The following TMEM123 variants were observed in gnomAD, a reference collection of about 807,000 sequenced individuals.
TMEM123 encodes the protein porimin.
In TMEM123, 16 loss-of-function variants were observed where a neutral mutation model predicts 19.7. That is an observed-to-expected ratio of 0.81 (90% CI 0.55 to 1.23). The LOEUF (loss-of-function observed/expected upper bound fraction) is 1.23, where lower values mean the gene tolerates loss of function less well. TMEM123 is among the 50% of genes most tolerant of loss of function. The pLI, the probability that TMEM123 is intolerant of heterozygous loss-of-function variation, is 0.00. For synonymous variants in TMEM123, 118 were observed against 99.4 expected (o/e 1.19, Z -1.12); for missense variants, 313 against 257.8 (o/e 1.21, Z -1.47).
intron 2 of TMEM123, among the ~76,000 whole-genome samples, chr11:102,408,012 C>A (rs1951970568): frequency 6.6e-6 from 1 of 152,210 alleles, no homozygotes; most frequent in Non-Finnish European, 1.5e-5. Context: ...ATCTTTGAAA[C>A]TAGTCACCAT....
intron 1 of TMEM123, among the ~76,000 whole-genome samples, chr11:102,451,427 C>T (rs1194679039): frequency 6.6e-6 from 1 of 152,164 alleles, no homozygotes; most frequent in Non-Finnish European, 1.5e-5. Context: ...AAAACTTCAG[C>T]AAAACAAAGA....
intron 2 of TMEM123, among the ~76,000 whole-genome samples, chr11:102,444,128 A>G (rs983811238): frequency 6.6e-6 from 1 of 152,238 alleles, no homozygotes; most frequent in African/African-American, 2.4e-5. Context: ...CCATTGTGGA[A>G]GACAGTGTGG....
rs545951569 is a variant in TMEM123, at chr11:102,417,795, C to A, written c.158-15589G>T. Among the ~76,000 whole-genome samples the A allele has an allele frequency of 2.0e-5, 3 of 152,008 alleles. No individual in the cohort carries two copies. The South Asian group carries it at 6.2e-4, about 32-fold the overall frequency. On this transcript the variant is annotated intron_variant, in intron 2 of 4. Transcript: ENST00000398136. Reference sequence around the variant, plus strand: ...CATGGTATCGGTACAGAAACTGATACACGGAACAATGGAACAGGTTAGATA... The same window carrying A: ...CATGGTATCGGTACAGAAACTGATAAACGGAACAATGGAACAGGTTAGATA...
At chr11:102,426,481 C>T (rs1415586727) in intron 2 of TMEM123, among the ~76,000 whole-genome samples, 2 of 150,666 alleles carry the variant, frequency 1.3e-5, no homozygotes, top group African/African-American at 2.4e-5. Context: ...GATGGTGTCT[C>T]GCTCTGTCTC....
chr11:102,436,772 C>G (rs1857767194), intron 2 of TMEM123, among the ~76,000 whole-genome samples: 1 of 152,174 alleles, frequency 6.6e-6, no homozygotes, highest in Non-Finnish European at 1.5e-5. Flanking sequence ...GAATCTAGAG[C>G]AAGCCTGCCT....
Position 102,398,742 on chromosome 11 carries a change from A to G in TMEM123, c.*125T>C. Reference sequence around the variant, plus strand: ...TTTACATATTTACGTAATACACTGTACATTATATGCATGGCCTGTTTATAC... The same window carrying G: ...TTTACATATTTACGTAATACACTGTGCATTATATGCATGGCCTGTTTATAC... On this transcript the variant is annotated 3_prime_UTR_variant, in exon 5 of 5. Transcript: ENST00000398136. 1 of 948,294 alleles carries G rather than the reference A, an allele frequency of 1.1e-6. No homozygotes were observed. Among genetic ancestry groups the G allele is most frequent in the Non-Finnish European group, 1.6e-6 (1 of 611,070 alleles). 58.7% of individuals were successfully genotyped at this position (948,294 alleles called of 1,614,324 possible).
chr11:102,428,117 G>C (rs549061596), intron 2 of TMEM123, among the ~76,000 whole-genome samples: 2 of 152,074 alleles, frequency 1.3e-5, no homozygotes, highest in African/African-American at 4.8e-5. Context: ...TCCTGGGAGT[G>C]TGAGTCTATC....
At chr11:102,436,239 T>C (rs2135860367) in intron 2 of TMEM123, among the ~76,000 whole-genome samples, 1 of 152,114 alleles carries the variant, frequency 6.6e-6, no homozygotes, top group South Asian at 2.1e-4. Flanking sequence ...CTTGGCTCAG[T>C]GCAGCTTACA....
intron 2 of TMEM123, among the ~76,000 whole-genome samples, chr11:102,440,465 A>G (rs1289206705): frequency 6.6e-6 from 1 of 152,238 alleles, no homozygotes. Context: ...TCATAAGTGA[A>G]GGAGAAATAA....
At chr11:102,445,677 T>G (rs138627043) in intron 2 of TMEM123, among the ~76,000 whole-genome samples, 6 of 152,364 alleles carry the variant, frequency 3.9e-5, no homozygotes, top group South Asian at 2.1e-4. Flanking sequence ...TTCCACTGCC[T>G]TCTTCTGTAG....
intron 2 of TMEM123, among the ~76,000 whole-genome samples, chr11:102,447,910 T>A (rs763666246): frequency 1.8e-4 from 27 of 152,216 alleles, no homozygotes; most frequent in Non-Finnish European, 3.1e-4. Flanking sequence ...CTCCAGCAAG[T>A]TGCAAAGCAG....
rs1015477544 is a variant in TMEM123 at position 102,446,536 on chromosome 11, T to C, written c.157+2276A>G. Among the ~76,000 whole-genome samples the C allele has an allele frequency of 2.1e-4, 32 of 152,212 alleles. 1 individual carries two copies. The highest frequency in any genetic ancestry group is 7.7e-4 in the African/African-American group (32 of 41,440). Reference sequence around the variant, plus strand: ...AGTACACATCTGCAAAATGTATATATTAGTGTTTTGATAAGGCAAGTCAGC... The same window carrying C: ...AGTACACATCTGCAAAATGTATATACTAGTGTTTTGATAAGGCAAGTCAGC... On this transcript the variant is annotated intron_variant, in intron 2 of 4. Coordinates refer to ENST00000398136, the MANE Select transcript of TMEM123 (RefSeq NM_052932.3).
chr11:102,429,881 G>A (rs1472620233), intron 2 of TMEM123, among the ~76,000 whole-genome samples: 1 of 152,144 alleles, frequency 6.6e-6, no homozygotes, highest in Non-Finnish European at 1.5e-5. Flanking sequence ...AAGCACAGAT[G>A]CTCCTGCCTT....
chr11:102,439,476 G>A (rs992753163), intron 2 of TMEM123, among the ~76,000 whole-genome samples: 2 of 152,188 alleles, frequency 1.3e-5, no homozygotes, highest in Admixed American at 6.5e-5. Context: ...ACCTGCAGCT[G>A]AGGGTCCTGA....
intron 2 of TMEM123, among the ~76,000 whole-genome samples, chr11:102,447,690 C>A (rs981193335): frequency 6.6e-6 from 1 of 152,154 alleles, no homozygotes; most frequent in Non-Finnish European, 1.5e-5. Context: ...CCAATGATAA[C>A]CACTATTACA....
At chr11:102,435,677 A>C (rs1857755670) in intron 2 of TMEM123, among the ~76,000 whole-genome samples, 1 of 151,952 alleles carries the variant, frequency 6.6e-6, no homozygotes, top group South Asian at 2.1e-4. Flanking sequence ...AACCAACTCC[A>C]ATGTCCATCA....
At chr11:102,424,291 A>G (rs1316794244) in intron 2 of TMEM123, among the ~76,000 whole-genome samples, 1 of 152,238 alleles carries the variant, frequency 6.6e-6, no homozygotes, top group Admixed American at 6.5e-5. Flanking sequence ...GTATTTATAA[A>G]GCAGTGAATA....
At chr11:102,407,759 G>T (rs763175084) in intron 2 of TMEM123, among the ~76,000 whole-genome samples, 5 of 151,994 alleles carry the variant, frequency 3.3e-5, no homozygotes, top group African/African-American at 1.2e-4. Context: ...GCATGGAACA[G>T]ATTCTCTCAA....
chr11:102,440,245 T>C (rs1857810327), intron 2 of TMEM123, among the ~76,000 whole-genome samples: 1 of 152,082 alleles, frequency 6.6e-6, no homozygotes, highest in African/African-American at 2.4e-5. Context: ...GACACATAAT[T>C]GTCAGATTCA....
Sources: allele counts gnomAD v4.1 joint callset (sites outside exome capture counted in the v4.1 genomes callset), GRCh38; gene constraint gnomAD v4.1.1; transcripts MANE v1.5; gene names NCBI Gene and HGNC (gene_info 2026-07-23, HGNC 2026-07-21).